ZCWPW2: variants seen among roughly 807,000 people sequenced by gnomAD.
The protein encoded by ZCWPW2 is zinc finger CW-type PWWP domain protein 2.
Under a neutral mutation model 46.6 loss-of-function variants are expected in ZCWPW2, and 45 were observed. The ratio of observed to expected loss-of-function variants is 0.96; its 90% CI spans 0.76 to 1.24. The LOEUF (loss-of-function observed/expected upper bound fraction) is 1.24. Ranked by LOEUF, ZCWPW2 falls within the 50% of genes most tolerant of loss-of-function variation. The probability of loss-of-function intolerance (pLI) is 0.00; values close to 1 mark genes in which losing one functional copy is unlikely to be tolerated. For synonymous variants in ZCWPW2, 152 were observed against 137.1 expected (o/e 1.11, Z -0.76); for missense variants, 429 against 403.9 (o/e 1.06, Z -0.53).
intron 6 of ZCWPW2, among the ~76,000 whole-genome samples, chr3:28,511,929 A>AT (rs1226978983): frequency 6.6e-6 from 1 of 152,026 alleles, no homozygotes; most frequent in Admixed American, 6.6e-5. Flanking sequence ...AAAAATTGTA[A>AT]TTTTTTTCAT....
At chr3:28,458,350 G>A (rs1050017484) in intron 4 of ZCWPW2, among the ~76,000 whole-genome samples, 3 of 152,084 alleles carry the variant, frequency 2.0e-5, no homozygotes, top group Admixed American at 6.6e-5. Flanking sequence ...TACTATATGA[G>A]CATTGAAGAA....
Position 28,380,985 on chromosome 3 carries a change from ATATATATATATTTGG to A in ZCWPW2, c.-133-9501_-133-9487del, listed in dbSNP as rs1248319439. The stretch of plus-strand genomic sequence containing the variant: ...ATATATATATATTTGGTATATATAT[ATATATATATATTTGG>A]TATATATATATATATATATATTTGG... On this transcript the variant is annotated intron_variant, in intron 1 of 9. Coordinates refer to ENST00000383768, the MANE Select transcript of ZCWPW2 (RefSeq NM_001040432.4). Among the ~76,000 whole-genome samples the A allele has an allele frequency of 1.9e-4, 9 of 46,644 alleles. 3 individuals carry two copies. Among genetic ancestry groups the A allele is most frequent in the African/African-American group, 8.4e-4 (7 of 8,292 alleles). The allele number at this position is 46,644 out of a possible 152,430, so 30.6% of individuals were successfully genotyped here.
intron 2 of ZCWPW2, among the ~76,000 whole-genome samples, chr3:28,410,102 A>C (rs1696341203): frequency 6.6e-6 from 1 of 152,136 alleles, no homozygotes; most frequent in Admixed American, 6.5e-5. Flanking sequence ...AAACTAGTAG[A>C]TTGGCAAAGA....
intron 2 of ZCWPW2, among the ~76,000 whole-genome samples, chr3:28,404,986 A>C (rs1696101839): frequency 1.3e-5 from 2 of 152,120 alleles, no homozygotes; most frequent in African/African-American, 4.8e-5. Context: ...TTAAGAACTT[A>C]CCCATGTAAC....
Position 28,349,063 on chromosome 3 carries a change from G to A in ZCWPW2, c.-274G>A. ...GAAGTCAGGCCCGAGGGAGCTGGGAGGGCGTTAGCGAAGCCAGGTTCGGTC... is the reference window on the plus strand; with the variant it reads ...GAAGTCAGGCCCGAGGGAGCTGGGAAGGCGTTAGCGAAGCCAGGTTCGGTC... On this transcript the variant is annotated 5_prime_UTR_variant, in exon 1 of 10. Transcript: ENST00000383768. 1.0e-6 allele frequency: 1 copy of A among 985,834 alleles called. No homozygotes were observed. The highest frequency in any genetic ancestry group is 1.1e-4 in the East Asian group (1 of 8,798). The allele number at this position is 985,834 out of a possible 1,614,324, so 61.1% of individuals were successfully genotyped here.
intron 6 of ZCWPW2, among the ~76,000 whole-genome samples, chr3:28,507,943 T>C (rs1700321583): frequency 6.6e-6 from 1 of 152,180 alleles, no homozygotes; most frequent in African/African-American, 2.4e-5. Context: ...ATTTTAAAGC[T>C]ACGTGTCTTA....
chr3:28,377,287 G>C (rs1473713176), intron 1 of ZCWPW2, among the ~76,000 whole-genome samples: 1 of 151,982 alleles, frequency 6.6e-6, no homozygotes. Context: ...TTGTGGTAGA[G>C]TCCTTTTCTT....
chr3:28,378,261 A>G (rs12488712), intron 1 of ZCWPW2, among the ~76,000 whole-genome samples: 31,610 of 151,948 alleles, frequency 0.21, 3,690 homozygotes, highest in Admixed American at 0.28. Flanking sequence ...AAGATTAAAG[A>G]TAAATGTAGT....
intron 4 of ZCWPW2, among the ~76,000 whole-genome samples, chr3:28,477,221 A>G (rs1434436439): frequency 1.3e-5 from 2 of 152,102 alleles, no homozygotes; most frequent in East Asian, 1.9e-4. Flanking sequence ...AAAATTTCCA[A>G]TATTTAGTGA....
In ZCWPW2 at chr3:28,386,668, A is replaced by C. The variant is rs116206993; in HGVS notation, c.-133-3830A>C. 4.9e-3 allele frequency among the ~76,000 whole-genome samples: 741 copies of C among 152,280 alleles called. 9 individuals are homozygous for C. The highest frequency in any genetic ancestry group is 0.017 in the African/African-American group (693 of 41,570). On this transcript the variant is annotated intron_variant, in intron 1 of 9. Transcript: ENST00000383768. ...CTGTGATATTGTATTGATTCTTTTA[A>C]AAATAAATAGCCTTTTATATTTCTA...
chr3:28,381,489 G>C (rs1258275626), intron 1 of ZCWPW2, among the ~76,000 whole-genome samples: 1 of 152,098 alleles, frequency 6.6e-6, no homozygotes, highest in Non-Finnish European at 1.5e-5. Context: ...CTGTTTCAGG[G>C]ATGATGAAGG....
At chr3:28,369,741 C>T (rs1266320420) in intron 1 of ZCWPW2, among the ~76,000 whole-genome samples, 1 of 152,206 alleles carries the variant, frequency 6.6e-6, no homozygotes, top group Middle Eastern at 3.2e-3. Context: ...TTTCGCTATG[C>T]CCTGCCCGCA....
Position 28,413,222 on chromosome 3 carries a change from G to C in ZCWPW2, c.154G>C (p.Val52Leu), listed in dbSNP as rs1299949852. Residue 52 changes from valine (V) to leucine (L), a missense_variant, in exon 3 of 10, where the codon GTT becomes CTT. Coordinates refer to ENST00000383768, the MANE Select transcript of ZCWPW2 (RefSeq NM_001040432.4). Reference sequence around the variant, plus strand: ...GTTATCAAGTGAGGATTCAGCCAAGGTTGATCATGATGAACCATGGTACTG... The same window carrying C: ...GTTATCAAGTGAGGATTCAGCCAAGCTTGATCATGATGAACCATGGTACTG... Reference protein sequence around the residue: ...RLLSSEDSAKVDHDEPWYCFM... With the variant: ...RLLSSEDSAKLDHDEPWYCFM... 1 of 1,613,194 alleles carries C rather than the reference G, an allele frequency of 6.2e-7. No individual in the cohort carries two copies. Among genetic ancestry groups the C allele is most frequent in the Non-Finnish European group, 8.5e-7 (1 of 1,179,514 alleles).
chr3:28,395,096 G>A (rs1158188036), intron 2 of ZCWPW2, among the ~76,000 whole-genome samples: 1 of 152,030 alleles, frequency 6.6e-6, no homozygotes, highest in East Asian at 1.9e-4. Context: ...ATGAGCCAAC[G>A]ACTTAAGTAG....
At chr3:28,403,219 T>G (rs1696019726) in intron 2 of ZCWPW2, among the ~76,000 whole-genome samples, 1 of 152,162 alleles carries the variant, frequency 6.6e-6, no homozygotes, top group African/African-American at 2.4e-5. Context: ...ACAGAATTAA[T>G]GTACACAAGT....
At chr3:28,357,411 A>G (rs1488789254) in intron 1 of ZCWPW2, among the ~76,000 whole-genome samples, 1 of 152,114 alleles carries the variant, frequency 6.6e-6, no homozygotes. Flanking sequence ...CTGCCCATGT[A>G]TTTGGTTAAA....
intron 4 of ZCWPW2, among the ~76,000 whole-genome samples, chr3:28,441,782 C>T (rs904503567): frequency 3.9e-5 from 6 of 152,074 alleles, no homozygotes; most frequent in African/African-American, 1.4e-4. Flanking sequence ...CAGAAAGCAC[C>T]CAGTTCATGA....
chr3:28,442,840 G>A (rs561865646), intron 4 of ZCWPW2, among the ~76,000 whole-genome samples: 1 of 152,174 alleles, frequency 6.6e-6, no homozygotes, highest in Non-Finnish European at 1.5e-5. Context: ...CCACCCCTGT[G>A]TCCTTCAAGT....
chr3:28,508,682 TCACAC>T (rs1700343878), intron 6 of ZCWPW2, among the ~76,000 whole-genome samples: 1 of 152,002 alleles, frequency 6.6e-6, no homozygotes, highest in South Asian at 2.1e-4. Context: ...TTGTATACCA[TCACAC>T]CAGCTAATTT....
Sources: allele counts gnomAD v4.1 joint callset (sites outside exome capture counted in the v4.1 genomes callset), GRCh38; gene constraint gnomAD v4.1.1; transcripts MANE v1.5; gene names NCBI Gene and HGNC (gene_info 2026-07-23, HGNC 2026-07-21).